The following WWOX variants were observed in gnomAD, a reference collection of about 807,000 sequenced individuals.
The protein encoded by WWOX is WW domain-containing oxidoreductase.
A neutral mutation model predicts 46.2 loss-of-function variants in WWOX; 69 were observed. The ratio of observed to expected loss-of-function variants is 1.49; its 90% CI spans 1.23 to 1.82. The LOEUF (loss-of-function observed/expected upper bound fraction) is 1.82, where lower values mean the gene tolerates loss of function less well. Ranked by LOEUF, WWOX falls within the 40% of genes most tolerant of loss-of-function variation. The probability of loss-of-function intolerance (pLI) is 0.00; values close to 1 mark genes in which losing one functional copy is unlikely to be tolerated. For synonymous variants in WWOX, 359 were observed against 202.6 expected, an observed-to-expected ratio of 1.77 and a Z score of -6.56; for missense variants, 919 against 542.6, an observed-to-expected ratio of 1.69 and a Z score of -6.89.
chr16:78,774,665 C>A (rs1045810605), intron 8 of WWOX, among the ~76,000 whole-genome samples: 5 of 151,796 alleles, frequency 3.3e-5, no homozygotes, highest in African/African-American at 1.2e-4. Context: ...CCGGGCAGTT[C>A]CTTGAAAGAC....
At chr16:78,800,833 C>T (rs1462539957) in intron 8 of WWOX, among the ~76,000 whole-genome samples, 2 of 152,160 alleles carry the variant, frequency 1.3e-5, no homozygotes, top group Non-Finnish European at 1.5e-5. Context: ...TCCTCCCCAG[C>T]ACTCACTTGA....
At chr16:79,154,338 C>G (rs1174801921) in intron 8 of WWOX, among the ~76,000 whole-genome samples, 2 of 152,322 alleles carry the variant, frequency 1.3e-5, no homozygotes, top group East Asian at 3.9e-4. Flanking sequence ...TGAAGATTGC[C>G]TGTCCTAGAC....
intron 8 of WWOX, among the ~76,000 whole-genome samples, chr16:78,942,622 A>G (rs1157717248): frequency 6.6e-6 from 1 of 152,218 alleles, no homozygotes; most frequent in East Asian, 1.9e-4. Context: ...CATCTCAGAA[A>G]GTTTGAGACA....
At chr16:78,961,860 G>T (rs1429450860) in intron 8 of WWOX, among the ~76,000 whole-genome samples, 3 of 152,114 alleles carry the variant, frequency 2.0e-5, no homozygotes, top group Non-Finnish European at 4.4e-5. Context: ...AGTTGATTTT[G>T]CAGAAATCAT....
At chr16:78,915,770 G>A (rs554191047) in intron 8 of WWOX, among the ~76,000 whole-genome samples, 39 of 152,136 alleles carry the variant, frequency 2.6e-4, no homozygotes, top group South Asian at 6.2e-4. Flanking sequence ...GAATCACTTC[G>A]AAAAGGAACT....
intron 5 of WWOX, among the ~76,000 whole-genome samples, chr16:78,355,047 G>C (rs1463494214): frequency 6.6e-6 from 1 of 150,810 alleles, no homozygotes; most frequent in Middle Eastern, 3.4e-3. Context: ...CAGGCGAACT[G>C]CTTGAACCTG....
chr16:78,574,864 T>C, intron 8 of WWOX, among the ~76,000 whole-genome samples: 1 of 149,004 alleles, frequency 6.7e-6, no homozygotes, highest in Non-Finnish European at 1.5e-5. Flanking sequence ...ATAAACCAGT[T>C]CTGGAGATCT....
chr16:78,541,920 T>G (rs2043906195), intron 8 of WWOX, among the ~76,000 whole-genome samples: 1 of 151,122 alleles, frequency 6.6e-6, no homozygotes, highest in African/African-American at 2.4e-5. Flanking sequence ...AAATTTGTTT[T>G]GTTTGTAAGA....
At chr16:78,309,534 A>G (rs1165268329) in intron 5 of WWOX, among the ~76,000 whole-genome samples, 1 of 152,140 alleles carries the variant, frequency 6.6e-6, no homozygotes, top group African/African-American at 2.4e-5. Context: ...CTCCTTACAT[A>G]TATTGATAGA....
intron 8 of WWOX, among the ~76,000 whole-genome samples, chr16:79,022,860 C>G (rs576310527): frequency 1.3e-5 from 2 of 152,290 alleles, no homozygotes; most frequent in Non-Finnish European, 2.9e-5. Context: ...GTGCTTTGCA[C>G]TTTCTGGCTT....
chr16:78,930,540 C>G (rs1044339209), intron 8 of WWOX, among the ~76,000 whole-genome samples: 1 of 150,884 alleles, frequency 6.6e-6, no homozygotes, highest in East Asian at 2.0e-4. Flanking sequence ...ATCCGCCAGC[C>G]TCAGCCTCCC....
intron 8 of WWOX, among the ~76,000 whole-genome samples, chr16:78,848,821 A>T (rs1388496291): frequency 6.6e-6 from 1 of 151,268 alleles, no homozygotes; most frequent in Non-Finnish European, 1.5e-5. Flanking sequence ...ACCTCCTCTG[A>T]GATTTTTTTT....
At position 78,465,273 on chromosome 16, in the gene WWOX, C is replaced by G. The variant is rs140084615; in HGVS notation, c.1056+32521C>G. On this transcript the variant is annotated intron_variant, in intron 8 of 8. Coordinates refer to ENST00000566780, the MANE Select transcript of WWOX (RefSeq NM_016373.4). ...TGAATAATCCTGGTTGGAAATCATA[C>G]TGATTTAGACTTAAAACCATTCAGC... 7.3e-3 allele frequency among the ~76,000 whole-genome samples: 1,108 copies of G among 152,338 alleles called. 16 individuals are homozygous for G. The highest frequency in any genetic ancestry group is 0.025 in the African/African-American group (1,034 of 41,558).
chr16:78,474,118 G>T (rs1284973347), intron 8 of WWOX, among the ~76,000 whole-genome samples: 1 of 152,234 alleles, frequency 6.6e-6, no homozygotes, highest in African/African-American at 2.4e-5. Flanking sequence ...TAAGCACGCT[G>T]TAAAATGACT....
At chr16:79,152,098 G>A (rs1396773947) in intron 8 of WWOX, among the ~76,000 whole-genome samples, 2 of 152,292 alleles carry the variant, frequency 1.3e-5, no homozygotes, top group Middle Eastern at 3.4e-3. Context: ...CTATTGAGAA[G>A]TTTATCCTCT....
At chr16:78,818,390 A>C (rs1475689149) in intron 8 of WWOX, among the ~76,000 whole-genome samples, 2 of 152,144 alleles carry the variant, frequency 1.3e-5, no homozygotes, top group African/African-American at 2.4e-5. Context: ...TACCACCTTC[A>C]TTGACTCAGG....
intron 5 of WWOX, among the ~76,000 whole-genome samples, chr16:78,378,759 A>G (rs760892517): frequency 1.3e-5 from 2 of 152,216 alleles, no homozygotes; most frequent in Non-Finnish European, 2.9e-5. Context: ...AATTTGCAGG[A>G]TGCCATTAGC....
At chr16:78,865,923 A>T (rs966512318) in intron 8 of WWOX, among the ~76,000 whole-genome samples, 2 of 152,304 alleles carry the variant, frequency 1.3e-5, no homozygotes, top group Non-Finnish European at 1.5e-5. Flanking sequence ...TAGTTACTCA[A>T]CAAATCATAT....
At chr16:78,214,175 A>G (rs2036645958) in intron 5 of WWOX, among the ~76,000 whole-genome samples, 1 of 152,096 alleles carries the variant, frequency 6.6e-6, no homozygotes, top group Non-Finnish European at 1.5e-5. Context: ...ACGTCTCAGG[A>G]TCCCTATCTC....
Sources: allele counts gnomAD v4.1 joint callset (sites outside exome capture counted in the v4.1 genomes callset), GRCh38; gene constraint gnomAD v4.1.1; transcripts MANE v1.5; gene names NCBI Gene and HGNC (gene_info 2026-07-23, HGNC 2026-07-21).